ATP8B4: variants seen among roughly 807,000 people sequenced by gnomAD.
ATP8B4 encodes ATPase phospholipid transporting 8B4 (putative).
In ATP8B4, 133 loss-of-function variants were observed where a neutral mutation model predicts 145.6. The ratio of observed to expected loss-of-function variants is 0.91; its 90% CI spans 0.79 to 1.05. The LOEUF is 1.05. Ranked by LOEUF, ATP8B4 falls within the 50% of genes least tolerant of loss-of-function variation. ATP8B4 has a pLI of 0.00. For synonymous variants in ATP8B4, 507 were observed against 492.9 expected (o/e 1.03, Z -0.38); for missense variants, 1,458 against 1,425.2 (o/e 1.02, Z -0.37).
intron 20 of ATP8B4, among the ~76,000 whole-genome samples, chr15:49,910,181 C>A (rs188390307): frequency 1.3e-5 from 2 of 152,072 alleles, no homozygotes; most frequent in African/African-American, 4.8e-5. Flanking sequence ...AATCCTGCAA[C>A]TGAAGAATTC....
chr15:50,118,631 T>G (rs2057221788), intron 1 of ATP8B4, among the ~76,000 whole-genome samples: 1 of 152,236 alleles, frequency 6.6e-6, no homozygotes, highest in African/African-American at 2.4e-5. Context: ...GATACCTTTT[T>G]CTGTTCAGAC....
chr15:50,095,062 G>A (rs903744508), intron 2 of ATP8B4, among the ~76,000 whole-genome samples: 3 of 152,052 alleles, frequency 2.0e-5, no homozygotes, highest in Non-Finnish European at 4.4e-5. Context: ...TTGTGACCAT[G>A]ATGTATTCAT....
At chr15:50,034,371 C>T (rs897698647) in intron 6 of ATP8B4, among the ~76,000 whole-genome samples, 3 of 151,624 alleles carry the variant, frequency 2.0e-5, no homozygotes, top group African/African-American at 4.9e-5. Flanking sequence ...CTGGGATTAC[C>T]GGTGCCTGCC....
At chr15:49,912,872 A>C (rs1488794530) in intron 20 of ATP8B4, among the ~76,000 whole-genome samples, 2 of 152,096 alleles carry the variant, frequency 1.3e-5, no homozygotes, top group African/African-American at 4.8e-5. Context: ...CCTGGGCTCA[A>C]ATGATCCTCC....
chr15:50,156,166 G>T (rs113376211), intron 1 of ATP8B4, among the ~76,000 whole-genome samples: 1 of 120,874 alleles, frequency 8.3e-6, no homozygotes, highest in African/African-American at 2.8e-5. Context: ...TTGTTTGCTG[G>T]TTTAACTAGT....
chr15:50,040,643 G>C (rs939470404), intron 5 of ATP8B4, among the ~76,000 whole-genome samples: 1 of 152,110 alleles, frequency 6.6e-6, no homozygotes, highest in African/African-American at 2.4e-5. Context: ...CACAGAAAAA[G>C]ACCAGTCAGC....
chr15:50,144,235 A>G (rs946031279), intron 1 of ATP8B4, among the ~76,000 whole-genome samples: 11 of 152,196 alleles, frequency 7.2e-5, no homozygotes, highest in African/African-American at 2.2e-4. Context: ...AAGTATGATG[A>G]TGGTGGTAGA....
At chr15:50,112,274 C>G (rs949810454) in intron 1 of ATP8B4, among the ~76,000 whole-genome samples, 4 of 152,134 alleles carry the variant, frequency 2.6e-5, no homozygotes, top group Admixed American at 2.6e-4. Context: ...TGGCAGCCCC[C>G]CTTGCTGGCC....
chr15:49,968,588 T>C (rs571941684), intron 13 of ATP8B4, among the ~76,000 whole-genome samples: 2 of 152,290 alleles, frequency 1.3e-5, no homozygotes, highest in South Asian at 2.1e-4. Flanking sequence ...CCTAAATATA[T>C]ATGCATCCAA....
At chr15:49,988,221 C>T (rs2046784003) in intron 9 of ATP8B4, among the ~76,000 whole-genome samples, 1 of 152,136 alleles carries the variant, frequency 6.6e-6, no homozygotes, top group Non-Finnish European at 1.5e-5. Context: ...CAAGGGCATG[C>T]CCACTCCAAA....
At chr15:50,160,454 C>A (rs751914918) in intron 1 of ATP8B4, among the ~76,000 whole-genome samples, 25 of 148,220 alleles carry the variant, frequency 1.7e-4, no homozygotes, top group Non-Finnish European at 3.0e-4. Flanking sequence ...TTTTCTATTT[C>A]TTTAAGGTGT....
At chr15:50,051,506 G>C (rs2052183885) in intron 3 of ATP8B4, among the ~76,000 whole-genome samples, 1 of 152,162 alleles carries the variant, frequency 6.6e-6, no homozygotes, top group Admixed American at 6.5e-5. Context: ...GCACATTAAT[G>C]TACTGAAAAC....
chr15:49,917,192 G>A, intron 19 of ATP8B4, 153 bp from the exon 20 acceptor site: 1 of 617,610 alleles, frequency 1.6e-6, no homozygotes, highest in Non-Finnish European at 2.7e-6. Context: ...TACAAGCAGT[G>A]CAGAGGGAAA....
At chr15:50,046,810 G>A (rs903782907) in intron 4 of ATP8B4, among the ~76,000 whole-genome samples, 2 of 152,120 alleles carry the variant, frequency 1.3e-5, no homozygotes, top group Admixed American at 6.5e-5. Context: ...TTCATTTAAA[G>A]GCAAATTTTA....
At chr15:50,083,151 C>T (rs1334469138) in intron 2 of ATP8B4, among the ~76,000 whole-genome samples, 2 of 152,172 alleles carry the variant, frequency 1.3e-5, no homozygotes, top group Non-Finnish European at 2.9e-5. Flanking sequence ...ACTTCCCATG[C>T]TTCATCATCT....
At chr15:49,861,775 T>G (rs1462028176) in intron 27 of ATP8B4, among the ~76,000 whole-genome samples, 1 of 152,246 alleles carries the variant, frequency 6.6e-6, no homozygotes, top group Non-Finnish European at 1.5e-5. Flanking sequence ...TTCCCCTTCT[T>G]AATCTGTTCA....
chr15:50,136,507 GTT>G (rs1320062466), intron 1 of ATP8B4, among the ~76,000 whole-genome samples: 1 of 152,220 alleles, frequency 6.6e-6, no homozygotes, highest in African/African-American at 2.4e-5. Context: ...TGTAAAGACT[GTT>G]TGATTTTTCC....
chr15:50,118,004 G>T (rs185912257), intron 1 of ATP8B4, among the ~76,000 whole-genome samples: 1 of 152,148 alleles, frequency 6.6e-6, no homozygotes, highest in Non-Finnish European at 1.5e-5. Context: ...TTAGGAAGGG[G>T]AAGAGGAAGA....
chr15:49,932,693 C>A (rs894251246), intron 15 of ATP8B4, among the ~76,000 whole-genome samples: 2 of 152,098 alleles, frequency 1.3e-5, no homozygotes, highest in Non-Finnish European at 2.9e-5. Context: ...GTTTTCTGAA[C>A]CAGGAGAACT....
Sources: allele counts gnomAD v4.1 joint callset (sites outside exome capture counted in the v4.1 genomes callset), GRCh38; gene constraint gnomAD v4.1.1; transcripts MANE v1.5; gene names NCBI Gene and HGNC (gene_info 2026-07-23, HGNC 2026-07-21).